Variants in DENND1C observed in about 807,000 individuals in gnomAD.
DENND1C encodes the protein DENN domain-containing protein 1C.
Under a neutral mutation model 87.9 loss-of-function variants are expected in DENND1C, and 64 were observed. The ratio of observed to expected loss-of-function variants is 0.73; its 90% CI spans 0.60 to 0.90. The LOEUF is 0.90. DENND1C is among the 40% of genes least tolerant of loss of function. The pLI is 0.00. For missense variants in DENND1C, 980 were observed against 1,037.0 expected (o/e 0.95, Z 0.76); for synonymous variants, 384 against 424.4 (o/e 0.90, Z 1.17).
chr19:6,476,778 A>G, intron 10 of DENND1C, 79 bp downstream of exon 10: 1 of 1,411,172 alleles, frequency 7.1e-7, no homozygotes, highest in Non-Finnish European at 9.5e-7. Flanking sequence ...GGTTAGAGCC[A>G]GGAATCAGCC....
Position 6,475,712 on chromosome 19 carries a change from G to A in DENND1C, c.819C>T (p.Leu273=). The change falls in exon 12 of 23, where the codon CTC becomes CTT. Residue 273 remains leucine (L), a synonymous_variant. Coordinates refer to ENST00000381480, the MANE Select transcript of DENND1C (RefSeq NM_024898.4). ...TGGGTAGATCCACGCTCACCTCGGC[G>A]AGACTGGCGTGCACTCCAATGAGGT... ...MPYLIGVHAS[L]AERVREKALE... 1 of 1,588,312 alleles carries A rather than the reference G, an allele frequency of 6.3e-7. No homozygotes were observed. The highest frequency in any genetic ancestry group is 8.6e-7 in the Non-Finnish European group (1 of 1,166,768).
At chr19:6,478,109 C>G (rs2092874056) in intron 6 of DENND1C, among the ~76,000 whole-genome samples, 3 of 151,976 alleles carry the variant, frequency 2.0e-5, no homozygotes, top group African/African-American at 7.2e-5. Context: ...GGGTCTTGCT[C>G]TGTCCCCCAG....
Position 6,477,234 on chromosome 19 carries a change from C to G in DENND1C, c.497G>C (p.Arg166Pro). Residue 166 changes from arginine (R) to proline (P), a missense_variant, in exon 8 of 23, where the codon CGG becomes CCG. By Grantham distance (103) the Arg-to-Pro change is moderately radical (BLOSUM62 -2). Coordinates refer to ENST00000381480, the MANE Select transcript of DENND1C (RefSeq NM_024898.4). Reference sequence around the variant, plus strand: ...CCCGCTCACCGGCTTGCTATTCCCCCGGGTAGGGGGGGGGATACCCTGCCC... The same window carrying G: ...CCCGCTCACCGGCTTGCTATTCCCCGGGGTAGGGGGGGGGATACCCTGCCC... ...SSGQGIPPPTRGNSKPLSCFV... is the reference protein window; with the variant it reads ...SSGQGIPPPTPGNSKPLSCFV... 1 of 1,584,488 alleles carries G rather than the reference C, an allele frequency of 6.3e-7. No homozygotes were observed. Among genetic ancestry groups the G allele is most frequent in the Non-Finnish European group, 8.6e-7 (1 of 1,164,992 alleles).
chr19:6,479,844 A>G lies in DENND1C; in HGVS notation c.126+15T>C, dbSNP rs770264995. 3.2e-5 allele frequency: 51 copies of G among 1,612,206 alleles called. No individual in the cohort carries two copies. Among genetic ancestry groups the G allele is most frequent in the Non-Finnish European group, 1.3e-5 (15 of 1,179,226 alleles). On this transcript the variant is annotated intron_variant, in intron 3 of 22. Coordinates refer to ENST00000381480, the MANE Select transcript of DENND1C (RefSeq NM_024898.4). ...TGGCCCTCGCCCTGGGGGAGCAAGG[A>G]GCCAGCCTGAATACCTGGTCCCTGA... is the stretch of plus-strand genomic sequence containing the variant.
chr19:6,481,589 GGC>G, intron 1 of DENND1C, 88 bp downstream of exon 1: 1 of 1,582,396 alleles, frequency 6.3e-7, no homozygotes, highest in East Asian at 2.3e-5. Flanking sequence ...GCACCTCCCG[GGC>G]CTGCTCCAGC....
intron 14 of DENND1C, among the ~76,000 whole-genome samples, chr19:6,473,590 C>A (rs1176834918): frequency 6.6e-6 from 1 of 151,550 alleles, no homozygotes; most frequent in African/African-American, 2.4e-5. Context: ...CCCACCTCAG[C>A]CTCTCAAGTA....
At position 6,471,484 on chromosome 19, in the gene DENND1C, G is replaced by A. The variant is rs751631020; in HGVS notation, c.1171C>T (p.Arg391Trp). The A allele has an allele frequency of 3.2e-6, 5 of 1,563,804 alleles. No individual in the cohort carries two copies. The South Asian group carries it at 3.5e-5, about 11-fold the overall frequency. The change falls in exon 16 of 23, where the codon CGG (arginine) becomes TGG (tryptophan). Residue 391 changes from arginine (R) to tryptophan (W), a missense_variant. By Grantham distance (101) the Arg-to-Trp change is moderately radical (BLOSUM62 -3). Transcript: ENST00000381480. Reference protein sequence around the residue: ...LQLFKQFIEARLEKLNKGEGF... With the variant: ...LQLFKQFIEAWLEKLNKGEGF... ...TCCCCCTTGTTGAGCTTCTCCAGCCGGGCTTCGATGAACTGGGGTGGGGGA... is the reference window on the plus strand; with the variant it reads ...TCCCCCTTGTTGAGCTTCTCCAGCCAGGCTTCGATGAACTGGGGTGGGGGA...
At position 6,474,790 on chromosome 19, in the gene DENND1C, C is replaced by T. The variant is rs1028041296; in HGVS notation, c.1053+484G>A. Among the ~76,000 whole-genome samples, 14 of 151,998 alleles carry T rather than the reference C, an allele frequency of 9.2e-5. No homozygotes were observed. The East Asian group carries it at 2.7e-3, about 29-fold the overall frequency. Reference sequence around the variant, plus strand: ...TAAAAAAATATATAGAGACGGTGGCCGGGCATGGTGGCTCACACTTGTAAT... The same window carrying T: ...TAAAAAAATATATAGAGACGGTGGCTGGGCATGGTGGCTCACACTTGTAAT... On this transcript the variant is annotated intron_variant, in intron 14 of 22. Transcript: ENST00000381480.
At chr19:6,477,030 G>A in intron 9 of DENND1C, 44 bp downstream of exon 9, 2 of 1,613,354 alleles carry the variant, frequency 1.2e-6, no homozygotes, top group Non-Finnish European at 1.7e-6. Flanking sequence ...CCCGGTCCGG[G>A]TTTCGGGACC....
rs745731242 is a variant in DENND1C, at chr19:6,472,972, C to T, written c.1075G>A (p.Glu359Lys). 1 of 1,571,768 alleles carries T rather than the reference C, an allele frequency of 6.4e-7. No homozygotes were observed. The highest frequency in any genetic ancestry group is 8.6e-7 in the Non-Finnish European group (1 of 1,160,024). The part of the protein sequence containing the change: ...CSPGQPVTFS[E>K]EVFLAQKPGA... ...GGCTTCTGGGCCAAGAAGACTTCCTCACTGAAGGTCACTGGCTGGCCCTGG... is the reference window on the plus strand; with the variant it reads ...GGCTTCTGGGCCAAGAAGACTTCCTTACTGAAGGTCACTGGCTGGCCCTGG... Residue 359 changes from glutamate to lysine, a missense_variant, in exon 15 of 23, where the codon GAG becomes AAG. Coordinates refer to ENST00000381480, the MANE Select transcript of DENND1C (RefSeq NM_024898.4).
chr19:6,477,205 G>T lies in DENND1C; in HGVS notation c.513+13C>A. On this transcript the variant is annotated intron_variant, in intron 8 of 22. Coordinates refer to ENST00000381480, the MANE Select transcript of DENND1C (RefSeq NM_024898.4). ...GGACCCCCGACCTTCCAGGGTCCCC[G>T]AGCCCCGCTCACCGGCTTGCTATTC... 1 of 1,589,022 alleles carries T rather than the reference G, an allele frequency of 6.3e-7. No homozygotes were observed. The highest frequency in any genetic ancestry group is 8.6e-7 in the Non-Finnish European group (1 of 1,168,248).
intron 6 of DENND1C, among the ~76,000 whole-genome samples, chr19:6,478,374 C>A (rs1449199217): frequency 6.6e-6 from 1 of 151,796 alleles, no homozygotes; most frequent in African/African-American, 2.4e-5. Context: ...CTCTGAGCAG[C>A]TGGGATTACA....
chr19:6,481,644 T>A, intron 1 of DENND1C, 35 bp downstream of exon 1: 1 of 1,612,322 alleles, frequency 6.2e-7, no homozygotes, highest in South Asian at 1.1e-5. Context: ...CCCGGGAATC[T>A]TGTACCAGAG....
At chr19:6,473,405 G>A (rs1286579190) in intron 14 of DENND1C, among the ~76,000 whole-genome samples, 3 of 150,694 alleles carry the variant, frequency 2.0e-5, no homozygotes, top group Non-Finnish European at 2.9e-5. Flanking sequence ...CACCCACCTC[G>A]GCCTCCCAAA....
chr19:6,479,529 C>A, intron 4 of DENND1C, 140 bp downstream of exon 4: 1 of 1,015,692 alleles, frequency 9.8e-7, no homozygotes, highest in Middle Eastern at 3.0e-4. Context: ...GTTCTCAGGG[C>A]CCCTGAGTGT....
chr19:6,475,452 CG>C lies in DENND1C; in HGVS notation c.927+31del, dbSNP rs753391526. 4 of 1,613,432 alleles carry C rather than the reference CG, an allele frequency of 2.5e-6. No homozygotes were observed. The African/African-American group carries it at 5.3e-5, about 22-fold the overall frequency. The stretch of plus-strand genomic sequence containing the variant: ...GGGCAGGTGTGGGCCCCTCGCCTCC[CG>C]GGGCAGGAAGGTGGGAGGGGCGACA... On this transcript the variant is annotated intron_variant, in intron 13 of 22. Transcript: ENST00000381480.
chr19:6,467,343 A>G lies in DENND1C; in HGVS notation c.*161T>C. 1.1e-6 allele frequency: 1 copy of G among 947,780 alleles called. No individual in the cohort carries two copies. The highest frequency in any genetic ancestry group is 1.7e-5 in the African/African-American group (1 of 58,858). 58.7% of individuals were successfully genotyped at this position (947,780 alleles called of 1,614,324 possible). ...AGGAGGCTTCCTGGAATTCCCTGCTAGGAGCCAGTTAGAGAGGCTGCCCTT... is the reference window on the plus strand; with the variant it reads ...AGGAGGCTTCCTGGAATTCCCTGCTGGGAGCCAGTTAGAGAGGCTGCCCTT... On this transcript the variant is annotated 3_prime_UTR_variant, in exon 23 of 23. Coordinates refer to ENST00000381480, the MANE Select transcript of DENND1C (RefSeq NM_024898.4).
At chr19:6,473,790 G>A (rs1344991650) in intron 14 of DENND1C, among the ~76,000 whole-genome samples, 3 of 150,764 alleles carry the variant, frequency 2.0e-5, no homozygotes, top group Non-Finnish European at 4.4e-5. Flanking sequence ...GTGGAAGCCC[G>A]GGAGGGGTGT....
rs374973116 is a variant in DENND1C, at chr19:6,467,467, T to C, written c.*37A>G. On this transcript the variant is annotated 3_prime_UTR_variant, in exon 23 of 23. Transcript: ENST00000381480. The stretch of plus-strand genomic sequence containing the variant: ...CAGCTTTTTTGGGCTCTTGTGGCTT[T>C]ATTGAGGGACTGGGGTCTCTCTTGG... The C allele has an allele frequency of 1.8e-5, 27 of 1,487,752 alleles. No individual in the cohort carries two copies. The African/African-American group carries it at 3.2e-4, about 18-fold the overall frequency. 92.2% of individuals were successfully genotyped at this position (1,487,752 alleles called of 1,614,324 possible). A position where few individuals can be genotyped will look rare whatever the true frequency, so the allele number is the denominator to read the frequency against.
Sources: gnomAD v4.1 joint callset for allele counts (sites outside exome capture counted in the v4.1 genomes callset) on GRCh38, gnomAD v4.1.1 for gene constraint, MANE v1.5 for transcripts, NCBI Gene and HGNC (gene_info 2026-07-23, HGNC 2026-07-21) for gene names.